Variants in VRK1 observed in about 807,000 individuals in gnomAD.
VRK1 encodes VRK serine/threonine kinase 1.
VRK1 carries 33 observed loss-of-function variants against 57.1 expected under a neutral mutation model. That is an observed-to-expected ratio of 0.58 (90% CI 0.44 to 0.77). The LOEUF (loss-of-function observed/expected upper bound fraction) is 0.77. VRK1 is among the 30% of genes least tolerant of loss of function. The pLI, the probability that VRK1 is intolerant of heterozygous loss-of-function variation, is 0.00. For missense variants in VRK1, 413 were observed against 477.3 expected, an observed-to-expected ratio of 0.87 and a Z score of 1.25; for synonymous variants, 137 against 147.8, an observed-to-expected ratio of 0.93 and a Z score of 0.53.
chr14:96,848,767 A>C (rs1465236886), intron 5 of VRK1, among the ~76,000 whole-genome samples: 1 of 152,208 alleles, frequency 6.6e-6, no homozygotes, highest in African/African-American at 2.4e-5. Context: ...TAATTTCTTC[A>C]TCTGTGAAAT....
chr14:96,846,249 T>C, intron 4 of VRK1, 85 bp downstream of exon 4: 1 of 1,274,906 alleles, frequency 7.8e-7, no homozygotes, highest in African/African-American at 1.5e-5. Flanking sequence ...TTGTATCTTA[T>C]TTTATGACTC....
rs866774769 is a variant in VRK1 at position 96,824,640 on chromosome 14, T to C, written c.-5-8827T>C. Among the ~76,000 whole-genome samples the C allele has an allele frequency of 8.1e-4, 122 of 151,538 alleles. No homozygotes were observed. The Middle Eastern group carries it at 0.024, about 30-fold the overall frequency. ...GGAAAAGAAAGGATGATAGCAGAGA[T>C]AGCAGAGGGGGATTAAAAACATTAA... On this transcript the variant is annotated intron_variant, in intron 1 of 12. Transcript: ENST00000216639.
At chr14:96,832,266 A>G (rs1429669483) in intron 1 of VRK1, among the ~76,000 whole-genome samples, 1 of 152,102 alleles carries the variant, frequency 6.6e-6, no homozygotes, top group Admixed American at 6.5e-5. Context: ...TGAGCTCAAA[A>G]CTGAGCTACA....
Position 96,855,499 on chromosome 14 carries a change from G to A in VRK1, c.709+143G>A, listed in dbSNP as rs74076164. 3.1e-3 allele frequency: 3,902 copies of A among 1,255,198 alleles called. 92 individuals are homozygous for A. In the African/African-American group the frequency reaches 0.049, roughly 16 times the overall value. The allele number at this position is 1,255,198 out of a possible 1,614,324, so 77.8% of individuals were successfully genotyped here. A position where few individuals can be genotyped will look rare whatever the true frequency, so the allele number is the denominator to read the frequency against. ...TGGCATGAGGAAAGAAGGCAGAGGTGAGACTCCTACAATTGTATTCCAGGA... is the reference window on the plus strand; with the variant it reads ...TGGCATGAGGAAAGAAGGCAGAGGTAAGACTCCTACAATTGTATTCCAGGA... On this transcript the variant is annotated intron_variant, in intron 8 of 12. Transcript: ENST00000216639.
At chr14:96,854,451 C>T (rs555804623) in intron 7 of VRK1, among the ~76,000 whole-genome samples, 2 of 152,122 alleles carry the variant, frequency 1.3e-5, no homozygotes, top group Admixed American at 1.3e-4. Flanking sequence ...CTTCAGTTTC[C>T]TCTTGTGCCC....
At chr14:96,836,346 C>T (rs1456882684) in intron 2 of VRK1, among the ~76,000 whole-genome samples, 1 of 152,050 alleles carries the variant, frequency 6.6e-6, no homozygotes, top group Non-Finnish European at 1.5e-5. Context: ...CTTCCAATGG[C>T]TCCCCATCTT....
At chr14:96,817,795 A>G (rs780692966) in intron 1 of VRK1, among the ~76,000 whole-genome samples, 3 of 152,226 alleles carry the variant, frequency 2.0e-5, no homozygotes, top group African/African-American at 7.2e-5. Flanking sequence ...AGTATTAGCT[A>G]TATAGTTCAC....
At chr14:96,877,541 C>G in intron 12 of VRK1, 1 of 1,289,482 alleles carries the variant, frequency 7.8e-7, no homozygotes. Flanking sequence ...CGAAGCATGT[C>G]TCAGCCAGAG....
At chr14:96,853,582 A>G (rs1002133032) in intron 7 of VRK1, among the ~76,000 whole-genome samples, 4 of 152,094 alleles carry the variant, frequency 2.6e-5, no homozygotes, top group African/African-American at 4.8e-5. Context: ...ATTCAAATCA[A>G]TTGGTTTACA....
chr14:96,849,023 G>T (rs12897588), intron 5 of VRK1, among the ~76,000 whole-genome samples: 1 of 151,878 alleles, frequency 6.6e-6, no homozygotes, highest in Non-Finnish European at 1.5e-5. Context: ...GAGGAAGAGG[G>T]CATGTGTGTA....
intron 8 of VRK1, 103 bp downstream of exon 8, chr14:96,855,459 A>G: frequency 6.4e-7 from 1 of 1,567,220 alleles, no homozygotes; most frequent in Non-Finnish European, 8.7e-7. Flanking sequence ...ATAAATAAAA[A>G]TTGAAAAGGC....
At chr14:96,816,950 G>T (rs1273426447) in intron 1 of VRK1, among the ~76,000 whole-genome samples, 3 of 152,162 alleles carry the variant, frequency 2.0e-5, no homozygotes, top group Non-Finnish European at 4.4e-5. Context: ...TGTTAATTTT[G>T]TTAGGTGTGG....
intron 1 of VRK1, among the ~76,000 whole-genome samples, chr14:96,810,407 A>G (rs1482343567): frequency 1.3e-5 from 2 of 151,878 alleles, no homozygotes; most frequent in Non-Finnish European, 2.9e-5. Context: ...CGATGAAGCT[A>G]TTTTCTTATG....
intron 11 of VRK1, among the ~76,000 whole-genome samples, chr14:96,869,094 C>T (rs1166266644): frequency 3.9e-5 from 6 of 152,030 alleles, no homozygotes; most frequent in Admixed American, 2.0e-4. Context: ...CGCCCGGCCT[C>T]GTGTAAAAAT....
At chr14:96,841,181 C>A (rs1431387015) in intron 3 of VRK1, among the ~76,000 whole-genome samples, 1 of 152,068 alleles carries the variant, frequency 6.6e-6, no homozygotes. Flanking sequence ...TGTATTTTCT[C>A]TTAGAATGAT....
Position 96,833,512 on chromosome 14 carries a change from C to G in VRK1, c.41C>G (p.Ser14Cys). 1 of 1,613,730 alleles carries G rather than the reference C, an allele frequency of 6.2e-7. No homozygotes were observed. Among genetic ancestry groups the G allele is most frequent in the Middle Eastern group, 1.7e-4 (1 of 6,058 alleles). Reference sequence around the variant, plus strand: ...GCAGCTCAAGCTGGAAGACAGAGCTCTGCAAAGAGACATCTTGCAGAACAA... The same window carrying G: ...GCAGCTCAAGCTGGAAGACAGAGCTGTGCAAAGAGACATCTTGCAGAACAA... ...VKAAQAGRQS[S>C]AKRHLAEQFA... The change falls in exon 2 of 13, where the codon TCT becomes TGT. Residue 14 changes from serine (S) to cysteine (C), a missense_variant. Transcript: ENST00000216639.
chr14:96,837,800 C>T lies in VRK1; in HGVS notation c.199C>T (p.Pro67Ser). ...TTCAGAGTCAGTTGGCAGTGATGCA[C>T]CTTGTGTTGTAAAAGTGGTAAGAAA... is the stretch of plus-strand genomic sequence containing the variant. ...NSSESVGSDAPCVVKVEPSDN... is the reference protein window; with the variant it reads ...NSSESVGSDASCVVKVEPSDN... Residue 67 changes from proline to serine, a missense_variant, in exon 3 of 13, where the codon CCT becomes TCT. This residue lies in a region of VRK1 where 116 missense variants were observed against 113.6 expected (regional missense o/e 1.02). Coordinates refer to ENST00000216639, the MANE Select transcript of VRK1 (RefSeq NM_003384.3). The T allele has an allele frequency of 1.3e-6, 2 of 1,557,376 alleles. No homozygotes were observed. Among genetic ancestry groups the T allele is most frequent in the African/African-American group, 1.4e-5 (1 of 73,380 alleles).
intron 3 of VRK1, among the ~76,000 whole-genome samples, chr14:96,838,644 C>T (rs1315533846): frequency 6.6e-6 from 1 of 152,114 alleles, no homozygotes; most frequent in Non-Finnish European, 1.5e-5. Context: ...GAAGGGGATG[C>T]CCCCATGACT....
chr14:96,830,166 A>G (rs1470361858), intron 1 of VRK1, among the ~76,000 whole-genome samples: 1 of 152,144 alleles, frequency 6.6e-6, no homozygotes, highest in African/African-American at 2.4e-5. Flanking sequence ...AGTTAACTAA[A>G]TTATATCTTG....
Sources: gnomAD v4.1 joint callset for allele counts (sites outside exome capture counted in the v4.1 genomes callset) on GRCh38, gnomAD v4.1.1 for gene constraint, gnomAD v4.1.1 regional missense constraint, MANE v1.5 for transcripts, NCBI Gene and HGNC (gene_info 2026-07-23, HGNC 2026-07-21) for gene names.